DHTKD1: variants seen among roughly 807,000 people sequenced by gnomAD.
DHTKD1 encodes the protein dehydrogenase E1 and transketolase domain containing 1, also known as 2-oxoadipate dehydrogenase complex component E1.
DHTKD1 carries 78 observed loss-of-function variants against 101.8 expected under a neutral mutation model. The ratio of observed to expected loss-of-function variants is 0.77; its 90% CI spans 0.64 to 0.93. The LOEUF is 0.93. Ranked by LOEUF, DHTKD1 falls within the 40% of genes least tolerant of loss-of-function variation. The pLI, the probability that DHTKD1 is intolerant of heterozygous loss-of-function variation, is 0.00. For synonymous variants in DHTKD1, 462 were observed against 450.3 expected, an observed-to-expected ratio of 1.03 and a Z score of -0.33; for missense variants, 1,223 against 1,161.7, an observed-to-expected ratio of 1.05 and a Z score of -0.77.
At chr10:12,082,666 C>G (rs1832839941) in intron 2 of DHTKD1, among the ~76,000 whole-genome samples, 1 of 150,474 alleles carries the variant, frequency 6.6e-6, no homozygotes, top group Admixed American at 6.6e-5. Flanking sequence ...TGAGCCTCTG[C>G]AGAAAGATTT....
At chr10:12,120,445 T>G (rs1026545647) in intron 16 of DHTKD1, 178 bp downstream of exon 16, 1 of 551,990 alleles carries the variant, frequency 1.8e-6, no homozygotes, top group Non-Finnish European at 3.2e-6. Context: ...GCCATTCTCC[T>G]GCCTCAGCCT....
intron 6 of DHTKD1, among the ~76,000 whole-genome samples, chr10:12,092,570 A>G (rs7922598): frequency 1 from 151,541 of 152,044 alleles, 75,522 homozygotes; most frequent in Middle Eastern, 1. Flanking sequence ...TTGGGAGGCT[A>G]AGGCAGGTGG....
Position 12,084,694 on chromosome 10 carries a change from G to C in DHTKD1, c.465G>C (p.Lys155Asn). ...CCAAGCGGTTTGAGGAACTGCAAAA[G>C]GAGACGTTTACCACAGAAGAGCGAA... ...WFAKRFEELQ[K>N]ETFTTEERKH... The change falls in exon 3 of 17, where the codon AAG (lysine) becomes AAC (asparagine). Residue 155 changes from lysine to asparagine, a missense_variant. Physicochemically the swap from Lys to Asn is moderately conservative, Grantham distance 94 (BLOSUM62 0). Transcript: ENST00000263035. 6.2e-7 allele frequency: 1 copy of C among 1,614,154 alleles called. No individual in the cohort carries two copies. Among genetic ancestry groups the C allele is most frequent in the South Asian group, 1.1e-5 (1 of 91,086 alleles).
At chr10:12,070,673 G>C (rs1276501889) in intron 1 of DHTKD1, among the ~76,000 whole-genome samples, 1 of 152,150 alleles carries the variant, frequency 6.6e-6, no homozygotes, top group Non-Finnish European at 1.5e-5. Flanking sequence ...ATTTTTAGTA[G>C]AGATGGGGTT....
At chr10:12,076,253 G>A (rs977892744) in intron 1 of DHTKD1, among the ~76,000 whole-genome samples, 1 of 152,204 alleles carries the variant, frequency 6.6e-6, no homozygotes, top group Non-Finnish European at 1.5e-5. Context: ...CGCGGTGGGC[G>A]GATCACGAGG....
intron 13 of DHTKD1, among the ~76,000 whole-genome samples, chr10:12,115,602 A>G (rs761391827): frequency 2.6e-4 from 39 of 152,146 alleles, no homozygotes; most frequent in Non-Finnish European, 1.8e-4. Context: ...AATAGCAGCC[A>G]TTCATTTTTA....
Position 12,097,825 on chromosome 10 carries a change from C to T in DHTKD1, c.1500C>T (p.Pro500=), listed in dbSNP as rs1833095594. ...TAAATAACATGGCCCACTACAGGCC[C>T]CCTGCCCTGAACCTGCAGGCCCACT... ...DHLNNMAHYR[P]PALNLQAHWQ... The change falls in exon 8 of 17, where the codon CCC becomes CCT. Residue 500 remains proline (P), a synonymous_variant. Transcript: ENST00000263035. The T allele has an allele frequency of 6.2e-7, 1 of 1,614,222 alleles. No individual in the cohort carries two copies. Among genetic ancestry groups the T allele is most frequent in the Non-Finnish European group, 8.5e-7 (1 of 1,180,044 alleles).
intron 5 of DHTKD1, 90 bp from the exon 6 acceptor site, chr10:12,091,423 A>AAAAAAT: frequency 1.3e-6 from 1 of 796,920 alleles, no homozygotes; most frequent in East Asian, 3.5e-5. Context: ...AAAAAAAAAA[A>AAAAAAT]AAAAAAAGTT....
intron 1 of DHTKD1, among the ~76,000 whole-genome samples, chr10:12,077,927 G>A (rs1832759016): frequency 6.6e-6 from 1 of 152,044 alleles, no homozygotes; most frequent in African/African-American, 2.4e-5. Flanking sequence ...GAAGAAACCT[G>A]CCCGAAGAAA....
At chr10:12,080,141 G>C (rs745885269) in intron 1 of DHTKD1, among the ~76,000 whole-genome samples, 1 of 151,972 alleles carries the variant, frequency 6.6e-6, no homozygotes, top group Non-Finnish European at 1.5e-5. Flanking sequence ...TTAGCTGGGC[G>C]TGGTGGCGGG....
rs568153706 is a variant in DHTKD1, at chr10:12,103,924, G to A, written c.1897-2322G>A. 1.3e-5 allele frequency among the ~76,000 whole-genome samples: 2 copies of A among 152,120 alleles called. No homozygotes were observed. Among genetic ancestry groups the A allele is most frequent in the African/African-American group, 2.4e-5 (1 of 41,428 alleles). On this transcript the variant is annotated intron_variant, in intron 10 of 16. Coordinates refer to ENST00000263035, the MANE Select transcript of DHTKD1 (RefSeq NM_018706.7). The surrounding 1 kb of genome is among the most constrained non-coding windows in gnomAD (Gnocchi z 4.8). ...GTTTGTAGTCTATTCACAGAGTTGT[G>A]TAATCATCACCACTATCTAATTTTA...
Position 12,122,951 on chromosome 10 carries a change from C to T in DHTKD1, c.*2063C>T, listed in dbSNP as rs1404961039. On this transcript the variant is annotated 3_prime_UTR_variant, in exon 17 of 17. Coordinates refer to ENST00000263035, the MANE Select transcript of DHTKD1 (RefSeq NM_018706.7). Reference sequence around the variant, plus strand: ...GATCATGTCTTTCAGAATCCATGTACATATAGGCTGTTCTAGCCACAGTGG... The same window carrying T: ...GATCATGTCTTTCAGAATCCATGTATATATAGGCTGTTCTAGCCACAGTGG... The T allele has an allele frequency of 6.6e-6, 1 of 152,206 alleles. No individual in the cohort carries two copies. Among genetic ancestry groups the T allele is most frequent in the Non-Finnish European group, 1.5e-5 (1 of 68,042 alleles). The allele number at this position is 152,206 out of a possible 1,614,324, so 9.4% of individuals were successfully genotyped here. A position where few individuals can be genotyped will look rare whatever the true frequency, so the allele number is the denominator to read the frequency against.
intron 10 of DHTKD1, among the ~76,000 whole-genome samples, chr10:12,104,759 C>T (rs1833219408): frequency 6.6e-6 from 1 of 152,168 alleles, no homozygotes; most frequent in Admixed American, 6.6e-5. Flanking sequence ...TCCTGGTGCC[C>T]CCTACTGTGT....
At chr10:12,100,843 G>A (rs1833157796) in intron 9 of DHTKD1, among the ~76,000 whole-genome samples, 199 bp from the exon 10 acceptor site, 1 of 152,000 alleles carries the variant, frequency 6.6e-6, no homozygotes, top group South Asian at 2.1e-4. Context: ...AAAATTGCAG[G>A]GCACATGATA....
At chr10:12,100,301 T>TTTTTTTTTTTTTTTTTTTTTTTG in intron 9 of DHTKD1, 39 bp downstream of exon 9, 1 of 836,748 alleles carries the variant, frequency 1.2e-6, no homozygotes, top group Non-Finnish European at 1.8e-6. Flanking sequence ...TTTTTTTTTT[T>TTTTTTTTTTTTTTTTTTTTTTTG]GAGTCTCACC....
intron 16 of DHTKD1, among the ~76,000 whole-genome samples, 197 bp from the exon 17 acceptor site, chr10:12,120,590 C>G (rs1019973911): frequency 3.3e-5 from 5 of 152,078 alleles, no homozygotes; most frequent in African/African-American, 9.7e-5. Context: ...CCCACCTCGG[C>G]CTCCCAAAGC....
intron 14 of DHTKD1, among the ~76,000 whole-genome samples, chr10:12,118,425 C>G (rs191197515): frequency 6.6e-6 from 1 of 151,270 alleles, no homozygotes; most frequent in African/African-American, 2.4e-5. Flanking sequence ...CTCTGTCGCC[C>G]AGGCTGGAGT....
chr10:12,119,619 A>C (rs1415772760), intron 15 of DHTKD1, among the ~76,000 whole-genome samples: 1 of 148,112 alleles, frequency 6.8e-6, no homozygotes, highest in Non-Finnish European at 1.5e-5. Flanking sequence ...CCGTCTCAAA[A>C]AAAAAAAAAA....
At chr10:12,080,623 A>G (rs1282345885) in intron 1 of DHTKD1, among the ~76,000 whole-genome samples, 2 of 151,730 alleles carry the variant, frequency 1.3e-5, no homozygotes, top group Non-Finnish European at 2.9e-5. Flanking sequence ...AGGCAGGAGA[A>G]TGACTTGAAC....
Sources: allele counts gnomAD v4.1 joint callset (sites outside exome capture counted in the v4.1 genomes callset), GRCh38; gene constraint gnomAD v4.1.1; non-coding constraint Gnocchi (gnomAD v3.1); transcripts MANE v1.5; gene names NCBI Gene and HGNC (gene_info 2026-07-23, HGNC 2026-07-21).